GOLGA7: variants seen among roughly 807,000 people sequenced by gnomAD.
The protein encoded by GOLGA7 is golgin A7.
A neutral mutation model predicts 21.1 loss-of-function variants in GOLGA7; 10 were observed. That is an observed-to-expected ratio of 0.47 (90% CI 0.29 to 0.80). The LOEUF is 0.80. Ranked by LOEUF, GOLGA7 falls within the 30% of genes least tolerant of loss-of-function variation. The pLI is 0.08. For synonymous variants in GOLGA7, 64 were observed against 62.6 expected, an observed-to-expected ratio of 1.02 and a Z score of -0.10; for missense variants, 114 against 166.8, an observed-to-expected ratio of 0.68 and a Z score of 1.74.
intron 1 of GOLGA7, among the ~76,000 whole-genome samples, chr8:41,497,019 C>A (rs1003622692): frequency 1.1e-4 from 17 of 151,776 alleles, no homozygotes; most frequent in Admixed American, 1.1e-3. Flanking sequence ...ACCATGTTAG[C>A]CAGGATGGTC....
At chr8:41,505,391 G>T (rs1025472285) in intron 2 of GOLGA7, among the ~76,000 whole-genome samples, 2 of 152,172 alleles carry the variant, frequency 1.3e-5, no homozygotes, top group Non-Finnish European at 2.9e-5. Flanking sequence ...TCTTAGTTTT[G>T]AAATAATGGG....
At chr8:41,508,828 T>C (rs3780021) in intron 4 of GOLGA7, among the ~76,000 whole-genome samples, 2,138 of 152,338 alleles carry the variant, frequency 0.014, 139 homozygotes, top group Admixed American at 0.1. Context: ...GGATGCAATG[T>C]GAGCTGAGAT....
At chr8:41,494,294 A>G (rs1204848715) in intron 1 of GOLGA7, among the ~76,000 whole-genome samples, 2 of 152,178 alleles carry the variant, frequency 1.3e-5, no homozygotes, top group Non-Finnish European at 2.9e-5. Flanking sequence ...TGGGCAACAT[A>G]GCGATACTCT....
At position 41,490,808 on chromosome 8, in the gene GOLGA7, G is replaced by T. The variant is rs113202976; in HGVS notation, c.-47G>T. On this transcript the variant is annotated 5_prime_UTR_variant, in exon 1 of 5. Transcript: ENST00000357743. ...GGTCCAGGCCGGGGCTCTGACTCGC[G>T]GTTGGTGTTCCCCCGACCCCGCAGC... 24,400 of 1,087,388 alleles carry T rather than the reference G, an allele frequency of 0.022. 321 individuals carry two copies. Among genetic ancestry groups the T allele is most frequent in the Middle Eastern group, 0.041 (145 of 3,550 alleles). 67.4% of individuals were successfully genotyped at this position (1,087,388 alleles called of 1,614,324 possible).
intron 1 of GOLGA7, among the ~76,000 whole-genome samples, chr8:41,494,801 T>C (rs943402890): frequency 6.6e-6 from 1 of 152,230 alleles, no homozygotes; most frequent in African/African-American, 2.4e-5. Flanking sequence ...ATTAAATTCA[T>C]GCATGCCACT....
chr8:41,509,341 G>A (rs1806364444), intron 4 of GOLGA7, among the ~76,000 whole-genome samples: 1 of 152,194 alleles, frequency 6.6e-6, no homozygotes, highest in South Asian at 2.1e-4. Context: ...AGCAGTCAAG[G>A]CAGCGTGGCT....
chr8:41,499,007 G>A (rs1806085814), intron 2 of GOLGA7, among the ~76,000 whole-genome samples: 1 of 152,160 alleles, frequency 6.6e-6, no homozygotes, highest in East Asian at 1.9e-4. Flanking sequence ...AAAGTTTTTG[G>A]AGCTGTTGGC....
chr8:41,492,548 G>A (rs1019177460), intron 1 of GOLGA7, among the ~76,000 whole-genome samples: 1 of 152,106 alleles, frequency 6.6e-6, no homozygotes, highest in African/African-American at 2.4e-5. Flanking sequence ...TGTAATCCCC[G>A]CTACTCAGGA....
rs1294912465 is a variant in GOLGA7 at position 41,490,805 on chromosome 8, C to T, written c.-50C>T. 7 of 1,053,284 alleles carry T rather than the reference C, an allele frequency of 6.6e-6. No individual in the cohort carries two copies. Among genetic ancestry groups the T allele is most frequent in the African/African-American group, 1.6e-5 (1 of 63,706 alleles). The allele number at this position is 1,053,284 out of a possible 1,614,324, so 65.2% of individuals were successfully genotyped here. On this transcript the variant is annotated 5_prime_UTR_variant, in exon 1 of 5. Transcript: ENST00000357743. Reference sequence around the variant, plus strand: ...CCGGGTCCAGGCCGGGGCTCTGACTCGCGGTTGGTGTTCCCCCGACCCCGC... The same window carrying T: ...CCGGGTCCAGGCCGGGGCTCTGACTTGCGGTTGGTGTTCCCCCGACCCCGC...
chr8:41,506,658 A>G lies in GOLGA7; in HGVS notation c.367-401A>G, dbSNP rs187386582. Among the ~76,000 whole-genome samples, 1,074 of 152,308 alleles carry G rather than the reference A, an allele frequency of 7.1e-3. 8 individuals carry two copies. Among genetic ancestry groups the G allele is most frequent in the Non-Finnish European group, 0.01 (691 of 68,014 alleles). On this transcript the variant is annotated intron_variant, in intron 3 of 4. Transcript: ENST00000357743. ...AGCAGTTTTGTTATACTCTGCAACA[A>G]TAGTTCTTAAACTTTCAGGGGTCAT... is the stretch of plus-strand genomic sequence containing the variant.
At chr8:41,502,351 G>A (rs540284236) in intron 2 of GOLGA7, among the ~76,000 whole-genome samples, 1 of 152,314 alleles carries the variant, frequency 6.6e-6, no homozygotes, top group African/African-American at 2.4e-5. Flanking sequence ...TCTACAAACA[G>A]TAAGCCAAAT....
intron 2 of GOLGA7, among the ~76,000 whole-genome samples, chr8:41,503,976 C>G (rs1444758936): frequency 7.6e-6 from 1 of 131,826 alleles, no homozygotes. Context: ...GTGGTGGGGT[C>G]GGGGGAGCGG....
rs1353232060 is a variant in GOLGA7, at chr8:41,509,902, C to A, written c.*334C>A. 6.6e-6 allele frequency: 1 copy of A among 152,618 alleles called. No individual in the cohort carries two copies. Among genetic ancestry groups the A allele is most frequent in the African/African-American group, 2.4e-5 (1 of 41,440 alleles). 9.5% of individuals were successfully genotyped at this position (152,618 alleles called of 1,614,324 possible). ...CCAGTGCAAAGCTTGTTATCTGCCACCAGTACATACCATTGGTTCTCTTCA... is the reference window on the plus strand; with the variant it reads ...CCAGTGCAAAGCTTGTTATCTGCCAACAGTACATACCATTGGTTCTCTTCA... On this transcript the variant is annotated 3_prime_UTR_variant, in exon 5 of 5. Coordinates refer to ENST00000357743, the MANE Select transcript of GOLGA7 (RefSeq NM_001002296.2).
chr8:41,493,955 C>A (rs1402994125), intron 1 of GOLGA7, among the ~76,000 whole-genome samples: 5 of 152,204 alleles, frequency 3.3e-5, no homozygotes, highest in African/African-American at 9.6e-5. Flanking sequence ...TGAGCCCTTT[C>A]TTGTGAAGTT....
chr8:41,507,935 A>T (rs539474033), intron 4 of GOLGA7, among the ~76,000 whole-genome samples: 21 of 152,320 alleles, frequency 1.4e-4, no homozygotes, highest in Admixed American at 1.2e-3. Context: ...ATGTCTTCCT[A>T]GGGCAACATC....
intron 2 of GOLGA7, among the ~76,000 whole-genome samples, chr8:41,497,989 G>A (rs1806061605): frequency 6.6e-6 from 1 of 152,110 alleles, no homozygotes; most frequent in African/African-American, 2.4e-5. Flanking sequence ...TCTCCCACCT[G>A]AGTTCTTACT....
chr8:41,506,622 A>T (rs1238603833), intron 3 of GOLGA7, among the ~76,000 whole-genome samples: 1 of 152,174 alleles, frequency 6.6e-6, no homozygotes, highest in East Asian at 1.9e-4. Flanking sequence ...CTTCCAGCTG[A>T]TAATAATTTC....
chr8:41,502,984 T>C (rs139988977), intron 2 of GOLGA7, among the ~76,000 whole-genome samples: 56 of 152,294 alleles, frequency 3.7e-4, no homozygotes, highest in African/African-American at 1.3e-3. Flanking sequence ...AGTTTACACA[T>C]ATTAATGCTC....
chr8:41,496,783 T>TAGTACCCTGTC (rs1249467274), intron 1 of GOLGA7, among the ~76,000 whole-genome samples: 2 of 149,592 alleles, frequency 1.3e-5, no homozygotes, highest in Non-Finnish European at 3.0e-5. Context: ...GCCTATATGA[T>TAGTACCCTGTC]AGTACCCTGT....
Sources: allele counts gnomAD v4.1 joint callset (sites outside exome capture counted in the v4.1 genomes callset), GRCh38; gene constraint gnomAD v4.1.1; transcripts MANE v1.5; gene names NCBI Gene and HGNC (gene_info 2026-07-23, HGNC 2026-07-21).